The following DTNA variants were observed in gnomAD, a reference collection of about 807,000 sequenced individuals.
The protein encoded by DTNA is dystrophin-related protein 3.
A neutral mutation model predicts 100.7 loss-of-function variants in DTNA; 43 were observed. The observed-to-expected ratio is 0.43, with a 90% CI of 0.33 to 0.55. The LOEUF (loss-of-function observed/expected upper bound fraction) is 0.55, where lower values mean the gene tolerates loss of function less well. Ranked by LOEUF, DTNA falls within the 20% of genes least tolerant of loss-of-function variation. The probability of loss-of-function intolerance (pLI) is 0.04; values close to 1 mark genes in which losing one functional copy is unlikely to be tolerated. For synonymous variants in DTNA, 349 were observed against 347.9 expected (o/e 1.00, Z -0.04); for missense variants, 798 against 953.9 (o/e 0.84, Z 2.15).
At chr18:34,797,653 G>T (rs1200026931) in intron 4 of DTNA, among the ~76,000 whole-genome samples, 4 of 152,142 alleles carry the variant, frequency 2.6e-5, no homozygotes, top group Non-Finnish European at 5.9e-5. Context: ...TAACTCAAAA[G>T]AAAAATATTG....
chr18:34,748,101 T>C (rs2091883318), intron 1 of DTNA, among the ~76,000 whole-genome samples: 1 of 152,230 alleles, frequency 6.6e-6, no homozygotes, highest in African/African-American at 2.4e-5. Context: ...CTTTTGTATA[T>C]CTTCTTTTGA....
intron 1 of DTNA, among the ~76,000 whole-genome samples, chr18:34,688,094 C>T (rs868639058): frequency 4.6e-5 from 7 of 152,134 alleles, no homozygotes; most frequent in Admixed American, 1.3e-4. Context: ...ACTCTTTATC[C>T]GATTTGCCAG....
intron 17 of DTNA, 152 bp from the exon 18 acceptor site, chr18:34,875,087 A>T: frequency 8.5e-7 from 1 of 1,177,042 alleles, no homozygotes; most frequent in Non-Finnish European, 1.2e-6. Flanking sequence ...TGCACCTGCA[A>T]ATTAGCTTTA....
At chr18:34,497,919 A>G (rs1180865440) in intron 1 of DTNA, among the ~76,000 whole-genome samples, 2 of 152,320 alleles carry the variant, frequency 1.3e-5, no homozygotes, top group African/African-American at 2.4e-5. Flanking sequence ...AAGAGTATCT[A>G]TATTAGCATT....
intron 1 of DTNA, among the ~76,000 whole-genome samples, chr18:34,655,830 T>A (rs1047916808): frequency 5.3e-5 from 8 of 152,212 alleles, no homozygotes; most frequent in Non-Finnish European, 1.2e-4. Flanking sequence ...AGGAGACTCA[T>A]AACGTTGCTA....
intron 1 of DTNA, among the ~76,000 whole-genome samples, chr18:34,579,003 T>G (rs2146606585): frequency 6.6e-6 from 1 of 152,286 alleles, no homozygotes; most frequent in Admixed American, 6.5e-5. Flanking sequence ...TAATTAAAAA[T>G]TTTATTATTT....
At chr18:34,683,045 G>A (rs537533395) in intron 1 of DTNA, among the ~76,000 whole-genome samples, 22 of 152,074 alleles carry the variant, frequency 1.4e-4, no homozygotes, top group Non-Finnish European at 3.1e-4. Context: ...ACTATGTACA[G>A]TATAAGAACT....
At chr18:34,530,646 C>A (rs2145482661) in intron 1 of DTNA, among the ~76,000 whole-genome samples, 1 of 152,226 alleles carries the variant, frequency 6.6e-6, no homozygotes, top group South Asian at 2.1e-4. Flanking sequence ...AAAATCTGTG[C>A]TGAGTACTTT....
intron 1 of DTNA, among the ~76,000 whole-genome samples, chr18:34,614,427 A>G (rs2054836615): frequency 6.6e-6 from 1 of 152,304 alleles, no homozygotes; most frequent in African/African-American, 2.4e-5. Flanking sequence ...TGTAGCTGCA[A>G]TAGACAATGA....
At chr18:34,524,325 G>A (rs1043553282) in intron 1 of DTNA, among the ~76,000 whole-genome samples, 1 of 152,084 alleles carries the variant, frequency 6.6e-6, no homozygotes, top group African/African-American at 2.4e-5. Context: ...TTTCCAACTG[G>A]AAATGCTATG....
rs1157365199 is a variant in DTNA at position 34,576,926 on chromosome 18, T to C, written c.-2+83412T>C. On this transcript the variant is annotated intron_variant, in intron 1 of 19. Coordinates refer to the DTNA transcript ENST00000283365. ...TGTGCTCTGAGTCTCCCACATTTTGTATCAGACTTCTAGGCTACAGCCTTA... is the reference window on the plus strand; with the variant it reads ...TGTGCTCTGAGTCTCCCACATTTTGCATCAGACTTCTAGGCTACAGCCTTA... Among the ~76,000 whole-genome samples the C allele has an allele frequency of 2.0e-5, 3 of 152,164 alleles. No homozygotes were observed. The East Asian group carries it at 5.8e-4, about 29-fold the overall frequency.
chr18:34,656,121 G>A (rs183839954), intron 1 of DTNA, among the ~76,000 whole-genome samples: 1 of 152,276 alleles, frequency 6.6e-6, no homozygotes, highest in East Asian at 1.9e-4. Flanking sequence ...TTACAGGATG[G>A]TTTATATGAT....
chr18:34,718,380 A>G (rs184155514), intron 1 of DTNA, among the ~76,000 whole-genome samples: 6 of 152,310 alleles, frequency 3.9e-5, no homozygotes, highest in Non-Finnish European at 5.9e-5. Flanking sequence ...AAATACAAGA[A>G]TTTTAAAAGT....
rs144129418 is a variant in DTNA, at chr18:34,765,762, T to C, written c.68-199T>C. Among the ~76,000 whole-genome samples, 473 of 152,338 alleles carry C rather than the reference T, an allele frequency of 3.1e-3. 2 individuals are homozygous for C. Among genetic ancestry groups the C allele is most frequent in the Admixed American group, 5.6e-3 (86 of 15,300 alleles). On this transcript the variant is annotated intron_variant, in intron 2 of 22. Coordinates refer to ENST00000444659, the MANE Select transcript of DTNA (RefSeq NM_001386795.1). ...CCTAATCTCCAATGTTGATTACATGTGTGTGCTCTTTTTCCCTAGAACCTG... is the reference window on the plus strand; with the variant it reads ...CCTAATCTCCAATGTTGATTACATGCGTGTGCTCTTTTTCCCTAGAACCTG...
At chr18:34,506,002 G>A (rs1024593623) in intron 1 of DTNA, among the ~76,000 whole-genome samples, 1 of 152,198 alleles carries the variant, frequency 6.6e-6, no homozygotes, top group African/African-American at 2.4e-5. Flanking sequence ...GTGAGCATCA[G>A]TGCCAGGTGG....
chr18:34,743,877 A>T (rs1026123807), intron 1 of DTNA, among the ~76,000 whole-genome samples: 1 of 152,048 alleles, frequency 6.6e-6, no homozygotes, highest in Non-Finnish European at 1.5e-5. Context: ...TCATATTGGC[A>T]TCCTCCCACC....
intron 4 of DTNA, 34 bp downstream of exon 4, chr18:34,794,284 A>G (rs774298402): frequency 5.6e-6 from 9 of 1,612,220 alleles, no homozygotes; most frequent in South Asian, 4.4e-5. Flanking sequence ...TCCTCTCTAC[A>G]TGTTTGGCTT....
chr18:34,866,086 T>C, intron 17 of DTNA: 1 of 1,613,322 alleles, frequency 6.2e-7, no homozygotes, highest in Non-Finnish European at 8.5e-7. Flanking sequence ...GTAATCTAAC[T>C]GTTATTGATT....
rs28545750 is a variant in DTNA, at chr18:34,626,753, T to C, written c.-1-129223T>C. Among the ~76,000 whole-genome samples, 1,361 of 152,336 alleles carry C rather than the reference T, an allele frequency of 8.9e-3. 14 individuals carry two copies. Among genetic ancestry groups the C allele is most frequent in the African/African-American group, 0.031 (1,282 of 41,574 alleles). Reference sequence around the variant, plus strand: ...GTAAGGCTTTAGGGTCTGCTCCAGTTGGCATTCTTCTTAAGAAGCTACACA... The same window carrying C: ...GTAAGGCTTTAGGGTCTGCTCCAGTCGGCATTCTTCTTAAGAAGCTACACA... On this transcript the variant is annotated intron_variant, in intron 1 of 19. Coordinates refer to the DTNA transcript ENST00000283365.
Sources: gnomAD v4.1 joint callset for allele counts (sites outside exome capture counted in the v4.1 genomes callset) on GRCh38, gnomAD v4.1.1 for gene constraint, MANE v1.5 for transcripts, NCBI Gene and HGNC (gene_info 2026-07-23, HGNC 2026-07-21) for gene names.